RARB: variants seen among roughly 807,000 people sequenced by gnomAD.
The protein encoded by RARB is HBV-activated protein.
In RARB, 17 loss-of-function variants were observed where a neutral mutation model predicts 51.9. The observed-to-expected ratio is 0.33, with a 90% CI of 0.22 to 0.49. The LOEUF (loss-of-function observed/expected upper bound fraction) is 0.49. RARB is among the 20% of genes least tolerant of loss of function. The pLI is 0.99. For synonymous variants in RARB, 215 were observed against 195.4 expected (o/e 1.10, Z -0.84); for missense variants, 369 against 550.8 (o/e 0.67, Z 3.30).
chr3:25,019,013 T>C (rs1697573441), intron 2 of RARB, among the ~76,000 whole-genome samples: 1 of 152,198 alleles, frequency 6.6e-6, no homozygotes, highest in Non-Finnish European at 1.5e-5. Context: ...TTATAGCCTG[T>C]TTAAGCCATG....
At chr3:24,982,103 G>A (rs1451033744) in intron 2 of RARB, among the ~76,000 whole-genome samples, 1 of 152,342 alleles carries the variant, frequency 6.6e-6, no homozygotes, top group Middle Eastern at 3.4e-3. Flanking sequence ...ATCACTGCAT[G>A]CCCTGCTGGC....
intron 1 of RARB, among the ~76,000 whole-genome samples, chr3:24,832,082 A>C (rs951308835): frequency 1.3e-5 from 2 of 152,198 alleles, no homozygotes; most frequent in African/African-American, 4.8e-5. Flanking sequence ...TTTTAACCTT[A>C]GGGACATTTG....
intron 2 of RARB, among the ~76,000 whole-genome samples, chr3:24,865,301 G>A (rs1203285819): frequency 1.3e-5 from 2 of 151,968 alleles, no homozygotes; most frequent in African/African-American, 2.4e-5. Context: ...CATATGCAGT[G>A]TTTTCCATCC....
chr3:25,496,573 C>G (rs1697045573), intron 2 of RARB, among the ~76,000 whole-genome samples: 1 of 152,198 alleles, frequency 6.6e-6, no homozygotes, highest in Non-Finnish European at 1.5e-5. Flanking sequence ...GAGGCTGGGG[C>G]CACCAGCCAC....
chr3:25,343,024 TTGTGTG>T (rs6147737), intron 5 of RARB, among the ~76,000 whole-genome samples: 5,467 of 131,998 alleles, frequency 0.041, 149 homozygotes, highest in Middle Eastern at 0.063. Flanking sequence ...TGCAAGTACT[TTGTGTG>T]TGTGTGTGTG....
At chr3:25,385,436 T>C (rs1706764034) in intron 5 of RARB, among the ~76,000 whole-genome samples, 1 of 152,156 alleles carries the variant, frequency 6.6e-6, no homozygotes, top group Admixed American at 6.5e-5. Flanking sequence ...AATTCACTTT[T>C]ATGAGGCACC....
At chr3:25,407,105 C>T (rs1044496754) in intron 5 of RARB, among the ~76,000 whole-genome samples, 29 of 152,198 alleles carry the variant, frequency 1.9e-4, no homozygotes, top group African/African-American at 6.3e-4. Context: ...CCGATCTTTT[C>T]GGGATATTTC....
intron 2 of RARB, among the ~76,000 whole-genome samples, chr3:24,973,392 C>G (rs769593361): frequency 6.6e-6 from 1 of 151,930 alleles, no homozygotes; most frequent in Non-Finnish European, 1.5e-5. Flanking sequence ...TTTTGAAGTA[C>G]AATAGTATAA....
chr3:25,146,356 T>C (rs1428322570), intron 4 of RARB, among the ~76,000 whole-genome samples: 1 of 152,164 alleles, frequency 6.6e-6, no homozygotes, highest in Non-Finnish European at 1.5e-5. Flanking sequence ...GCCACGACTA[T>C]TCACTTTTGT....
chr3:25,593,723 A>C lies in RARB; in HGVS notation c.991+16A>C, dbSNP rs1210497579. ...ATCTGTGGAGGTACCAACTATGTAG[A>C]AAAGCCTCATGAAATTCCATGAAGA... On this transcript the variant is annotated intron_variant, in intron 6 of 7. Coordinates refer to ENST00000330688, the MANE Select transcript of RARB (RefSeq NM_000965.5). The C allele has an allele frequency of 1.9e-6, 3 of 1,606,638 alleles. No individual in the cohort carries two copies.
At chr3:24,950,982 A>T (rs1695878762) in intron 2 of RARB, among the ~76,000 whole-genome samples, 1 of 152,150 alleles carries the variant, frequency 6.6e-6, no homozygotes, top group South Asian at 2.1e-4. Context: ...TGTGTCACCA[A>T]ACCCAGTTGC....
chr3:24,974,157 A>T (rs1205052272), intron 2 of RARB, among the ~76,000 whole-genome samples: 1 of 152,108 alleles, frequency 6.6e-6, no homozygotes, highest in South Asian at 2.1e-4. Flanking sequence ...TTTTAACATA[A>T]AGTGATGTTG....
intron 5 of RARB, among the ~76,000 whole-genome samples, chr3:25,371,800 C>T (rs901582495): frequency 2.6e-5 from 4 of 152,164 alleles, no homozygotes; most frequent in Non-Finnish European, 4.4e-5. Context: ...CTCGCAGGAG[C>T]TAACAATATA....
Position 25,504,350 on chromosome 3 carries a change from C to T in RARB, c.448+3027C>T, listed in dbSNP as rs374104587. Among the ~76,000 whole-genome samples the T allele has an allele frequency of 5.4e-4, 82 of 152,266 alleles. No homozygotes were observed. The East Asian group carries it at 0.011, about 20-fold the overall frequency. Reference sequence around the variant, plus strand: ...AGCAAAAAGAGAGACTATTAGATCCCGATTGTTCCATCAAAGCCTAGGGAC... The same window carrying T: ...AGCAAAAAGAGAGACTATTAGATCCTGATTGTTCCATCAAAGCCTAGGGAC... On this transcript the variant is annotated intron_variant, in intron 3 of 7. Coordinates refer to ENST00000330688, the MANE Select transcript of RARB (RefSeq NM_000965.5).
chr3:25,006,163 C>T (rs1697268582), intron 2 of RARB, among the ~76,000 whole-genome samples: 1 of 152,126 alleles, frequency 6.6e-6, no homozygotes, highest in African/African-American at 2.4e-5. Context: ...AGTGTCCCTC[C>T]AGCTTACTCT....
At chr3:25,056,539 C>A (rs1217730218) in intron 2 of RARB, among the ~76,000 whole-genome samples, 1 of 152,102 alleles carries the variant, frequency 6.6e-6, no homozygotes, top group Non-Finnish European at 1.5e-5. Flanking sequence ...GTGCTTAAAT[C>A]TACTGGATTC....
chr3:25,255,213 C>T (rs1056522045), intron 5 of RARB, among the ~76,000 whole-genome samples: 1 of 152,136 alleles, frequency 6.6e-6, no homozygotes, highest in African/African-American at 2.4e-5. Flanking sequence ...TAGATCAACA[C>T]AAATATGAAT....
intron 2 of RARB, among the ~76,000 whole-genome samples, chr3:24,948,475 C>A (rs1356341585): frequency 6.6e-6 from 1 of 152,192 alleles, no homozygotes; most frequent in Non-Finnish European, 1.5e-5. Context: ...AAGTTCCTTT[C>A]TTTTAGGCTA....
In RARB at chr3:25,506,851, A is replaced by G. The variant is rs949214846; in HGVS notation, c.448+5528A>G. On this transcript the variant is annotated intron_variant, in intron 3 of 7. Coordinates refer to ENST00000330688, the MANE Select transcript of RARB (RefSeq NM_000965.5). Reference sequence around the variant, plus strand: ...TAGGGCTGCTCTGTGATCCCATCCCATGCTTCTCCCCTACCAGTAGACACA... The same window carrying G: ...TAGGGCTGCTCTGTGATCCCATCCCGTGCTTCTCCCCTACCAGTAGACACA... Among the ~76,000 whole-genome samples, 59 of 152,162 alleles carry G rather than the reference A, an allele frequency of 3.9e-4. 1 individual carries two copies. The highest frequency in any genetic ancestry group is 3.3e-4 in the Admixed American group (5 of 15,276).
Sources: allele counts gnomAD v4.1 joint callset (sites outside exome capture counted in the v4.1 genomes callset), GRCh38; gene constraint gnomAD v4.1.1; transcripts MANE v1.5; gene names NCBI Gene and HGNC (gene_info 2026-07-23, HGNC 2026-07-21).